Variants in DISC1 observed in about 807,000 individuals in gnomAD.
DISC1 encodes disrupted in schizophrenia 1 protein.
Under a neutral mutation model 84.5 loss-of-function variants are expected in DISC1, and 57 were observed. The observed-to-expected ratio is 0.67, with a 90% CI of 0.55 to 0.84. The LOEUF (loss-of-function observed/expected upper bound fraction) is 0.84. DISC1 is among the 40% of genes least tolerant of loss of function. DISC1 has a pLI of 0.00. For synonymous variants in DISC1, 411 were observed against 415.2 expected (o/e 0.99, Z 0.12); for missense variants, 1,000 against 1,057.8 (o/e 0.95, Z 0.76).
At chr1:231,781,352 G>A (rs1433334840) in intron 6 of DISC1, among the ~76,000 whole-genome samples, 1 of 152,048 alleles carries the variant, frequency 6.6e-6, no homozygotes. Flanking sequence ...TACAACATGA[G>A]TCTATTATTC....
At chr1:231,646,448 G>A (rs966085655) in intron 1 of DISC1, among the ~76,000 whole-genome samples, 3 of 152,116 alleles carry the variant, frequency 2.0e-5, no homozygotes, top group African/African-American at 4.8e-5. Context: ...ATTGTGAATA[G>A]TGCTGCATAT....
At chr1:232,034,473 C>A (rs200685824) in intron 12 of DISC1, among the ~76,000 whole-genome samples, 50 of 152,316 alleles carry the variant, frequency 3.3e-4, no homozygotes, top group Admixed American at 6.5e-4. Context: ...GTTGTATGAG[C>A]GGCTGATGTG....
intron 9 of DISC1, among the ~76,000 whole-genome samples, chr1:231,835,604 G>A (rs977750412): frequency 3.3e-5 from 5 of 152,234 alleles, no homozygotes; most frequent in Non-Finnish European, 7.3e-5. Flanking sequence ...GTACTTGCAG[G>A]TCACAGGGGA....
At chr1:231,794,654 A>G (rs995486162) in intron 6 of DISC1, among the ~76,000 whole-genome samples, 5 of 152,184 alleles carry the variant, frequency 3.3e-5, no homozygotes, top group African/African-American at 1.2e-4. Flanking sequence ...ATGGAACTTA[A>G]GTTCCAGTGG....
chr1:232,006,490 G>A (rs770413586), intron 10 of DISC1, among the ~76,000 whole-genome samples: 7 of 152,190 alleles, frequency 4.6e-5, no homozygotes, highest in South Asian at 2.1e-4. Context: ...TAGAGATCTC[G>A]GGAACTTTGA....
intron 1 of DISC1, among the ~76,000 whole-genome samples, chr1:231,660,268 G>A (rs751907407): frequency 1.3e-5 from 2 of 151,976 alleles, no homozygotes; most frequent in Admixed American, 6.6e-5. Context: ...TTAAAGTCTT[G>A]TTTTGTCAGA....
At position 231,765,515 on chromosome 1, in the gene DISC1, C is replaced by T. The variant is rs569942676; in HGVS notation, c.1269-1625C>T. ...AATATATTTTTCCCCACTTGTCGTT[C>T]GCCTATTAGTTTTAGTTGATGGTGT... On this transcript the variant is annotated intron_variant, in intron 4 of 12. Transcript: ENST00000439617. 8.5e-5 allele frequency among the ~76,000 whole-genome samples: 13 copies of T among 152,222 alleles called. No homozygotes were observed. In the South Asian group the frequency reaches 2.1e-3, roughly 24 times the overall value.
chr1:231,749,779 A>T lies in DISC1; in HGVS notation c.1118-147A>T, dbSNP rs201709259. The T allele has an allele frequency of 2.8e-4, 273 of 978,210 alleles. 1 individual carries two copies. Among genetic ancestry groups the T allele is most frequent in the Middle Eastern group, 2.3e-3 (11 of 4,692 alleles). 60.6% of individuals were successfully genotyped at this position (978,210 alleles called of 1,614,324 possible). A position where few individuals can be genotyped will look rare whatever the true frequency, so the allele number is the denominator to read the frequency against. On this transcript the variant is annotated intron_variant, in intron 3 of 12. Coordinates refer to ENST00000439617, the MANE Select transcript of DISC1 (RefSeq NM_018662.3). ...GATTCTTAGAAGTACCAACTGAGAG[A>T]TGAAAGTGCTGGCCTAGAAACTAGT...
At chr1:231,869,752 T>A (rs146450646) in intron 9 of DISC1, among the ~76,000 whole-genome samples, 2 of 152,042 alleles carry the variant, frequency 1.3e-5, no homozygotes, top group African/African-American at 4.8e-5. Context: ...ACCTTAAACA[T>A]TGGGGAGCAA....
intron 1 of DISC1, among the ~76,000 whole-genome samples, chr1:231,668,053 CAAA>C (rs111268435): frequency 2.1e-5 from 2 of 94,636 alleles, no homozygotes. Flanking sequence ...AAGACTCTGT[CAAA>C]AAAAAAAAAA....
chr1:232,027,198 T>C (rs1416001700), intron 12 of DISC1, among the ~76,000 whole-genome samples: 1 of 152,212 alleles, frequency 6.6e-6, no homozygotes, highest in East Asian at 1.9e-4. Flanking sequence ...ACTGGCTCGT[T>C]TTCCTACGAG....
At chr1:231,722,845 A>T (rs951014495) in intron 3 of DISC1, 8 of 1,417,696 alleles carry the variant, frequency 5.6e-6, no homozygotes, top group East Asian at 2.6e-5. Context: ...CGTTTCTCCC[A>T]TGCGTTTCCC....
chr1:231,989,686 C>G (rs141604841), intron 10 of DISC1, among the ~76,000 whole-genome samples: 24 of 152,196 alleles, frequency 1.6e-4, no homozygotes, highest in African/African-American at 5.8e-4. Flanking sequence ...TTGGGAAGAT[C>G]GAGATGAGAC....
chr1:231,939,953 G>A (rs2091214851), intron 9 of DISC1, among the ~76,000 whole-genome samples: 1 of 151,864 alleles, frequency 6.6e-6, no homozygotes, highest in Non-Finnish European at 1.5e-5. Flanking sequence ...ATGTTGGCCA[G>A]GCTGGTCTCA....
intron 8 of DISC1, among the ~76,000 whole-genome samples, chr1:231,804,336 G>A (rs1005266706): frequency 6.6e-6 from 1 of 152,130 alleles, no homozygotes; most frequent in African/African-American, 2.4e-5. Flanking sequence ...GAGCTTTTCA[G>A]TCAGAGGAAA....
At chr1:231,939,257 G>A (rs1305501149) in intron 9 of DISC1, among the ~76,000 whole-genome samples, 1 of 152,174 alleles carries the variant, frequency 6.6e-6, no homozygotes, top group African/African-American at 2.4e-5. Context: ...ATTTAATGCT[G>A]TTTTTTCACC....
intron 9 of DISC1, among the ~76,000 whole-genome samples, chr1:231,952,691 T>TTATATATATATATATATATATATGTATA (rs1188772018): frequency 6.3e-5 from 9 of 141,836 alleles, no homozygotes; most frequent in Admixed American, 1.4e-4. Flanking sequence ...ATATATATGT[T>TTATATATATATATATATATATATGTATA]TATATATATA....
intron 7 of DISC1, among the ~76,000 whole-genome samples, chr1:231,799,580 G>A (rs2079024918): frequency 6.6e-6 from 1 of 151,906 alleles, no homozygotes; most frequent in African/African-American, 2.4e-5. Context: ...TTCCTCCCAG[G>A]CAGCGACTGA....
chr1:231,763,623 C>T (rs12141204), intron 4 of DISC1, among the ~76,000 whole-genome samples: 21,432 of 152,212 alleles, frequency 0.14, 1,569 homozygotes, highest in South Asian at 0.19. Flanking sequence ...ATGTATGAAG[C>T]CTGCTTCATT....
Sources: allele counts gnomAD v4.1 joint callset (sites outside exome capture counted in the v4.1 genomes callset), GRCh38; gene constraint gnomAD v4.1.1; transcripts MANE v1.5; gene names NCBI Gene and HGNC (gene_info 2026-07-23, HGNC 2026-07-21).